The following GAS2 variants were observed in gnomAD, a reference collection of about 807,000 sequenced individuals.
GAS2 encodes growth arrest specific 2.
In GAS2, 20 loss-of-function variants were observed where a neutral mutation model predicts 37.5. The ratio of observed to expected loss-of-function variants is 0.53; its 90% CI spans 0.37 to 0.77. The LOEUF (loss-of-function observed/expected upper bound fraction) is 0.77. Ranked by LOEUF, GAS2 falls within the 30% of genes least tolerant of loss-of-function variation. The probability of loss-of-function intolerance (pLI) is 0.00; values close to 1 mark genes in which losing one functional copy is unlikely to be tolerated. For missense variants in GAS2, 336 were observed against 373.4 expected (o/e 0.90, Z 0.82); for synonymous variants, 144 against 132.2 (o/e 1.09, Z -0.61).
chr11:22,693,636 A>G lies in GAS2; in HGVS notation c.267+7847A>G, dbSNP rs1305512556. Among the ~76,000 whole-genome samples the G allele has an allele frequency of 2.0e-5, 3 of 152,224 alleles. No homozygotes were observed. The East Asian group carries it at 5.8e-4, about 29-fold the overall frequency. ...ATCCATGCAAATTGCACATTCAGGT[A>G]AAACTATAAAAATAACATCTAATGT... On this transcript the variant is annotated intron_variant, in intron 3 of 7. Coordinates refer to ENST00000454584, the MANE Select transcript of GAS2 (RefSeq NM_001143830.3).
At chr11:22,754,243 T>C (rs987441768) in intron 6 of GAS2, among the ~76,000 whole-genome samples, 1 of 152,090 alleles carries the variant, frequency 6.6e-6, no homozygotes, top group Non-Finnish European at 1.5e-5. Flanking sequence ...TATATATCTA[T>C]TTAGTCAATG....
At chr11:22,642,254 A>T (rs1848639335) in intron 1 of GAS2, among the ~76,000 whole-genome samples, 1 of 152,192 alleles carries the variant, frequency 6.6e-6, no homozygotes, top group South Asian at 2.1e-4. Context: ...ACAGTGGCAG[A>T]GGAAATATTA....
chr11:22,680,800 T>C (rs554380990), intron 2 of GAS2, among the ~76,000 whole-genome samples: 1 of 152,248 alleles, frequency 6.6e-6, no homozygotes, highest in East Asian at 1.9e-4. Flanking sequence ...AAATAGTCAT[T>C]TGTGTATTCA....
intron 1 of GAS2, among the ~76,000 whole-genome samples, chr11:22,635,709 T>C (rs1858812334): frequency 6.6e-6 from 1 of 152,228 alleles, no homozygotes; most frequent in Non-Finnish European, 1.5e-5. Flanking sequence ...GGAGCTTCTT[T>C]CAACCTGTGA....
At chr11:22,682,493 T>G (rs1849728240) in intron 2 of GAS2, among the ~76,000 whole-genome samples, 2 of 152,132 alleles carry the variant, frequency 1.3e-5, no homozygotes. Context: ...TTTATCTTCT[T>G]TATCTTAAAA....
At chr11:22,788,876 T>G (rs1211582868) in intron 7 of GAS2, among the ~76,000 whole-genome samples, 1 of 152,108 alleles carries the variant, frequency 6.6e-6, no homozygotes, top group Non-Finnish European at 1.5e-5. Flanking sequence ...TTGTATTTCC[T>G]TCACAAAATA....
chr11:22,811,809 C>G lies in GAS2; in HGVS notation c.735C>G (p.Asn245Lys). 6.2e-7 allele frequency: 1 copy of G among 1,613,980 alleles called. No individual in the cohort carries two copies. The highest frequency in any genetic ancestry group is 8.5e-7 in the Non-Finnish European group (1 of 1,179,896). The change falls in exon 8 of 8, where the codon AAC becomes AAG. Residue 245 changes from asparagine (N) to lysine (K), a missense_variant. Transcript: ENST00000454584. ...TTTTTTCATTTCAGATGCTGCACAA[C>G]AAACATGTCATGGTCCGTGTGGGAG... is the stretch of plus-strand genomic sequence containing the variant. ...EKILFIRMLH[N>K]KHVMVRVGGG...
intron 3 of GAS2, among the ~76,000 whole-genome samples, chr11:22,715,460 CAA>C (rs1192862614): frequency 1.7e-4 from 7 of 41,766 alleles, no homozygotes; most frequent in East Asian, 8.1e-4. Context: ...GACTCTGTCT[CAA>C]AAAAAAAAAA....
intron 7 of GAS2, among the ~76,000 whole-genome samples, chr11:22,802,353 A>T (rs1399797084): frequency 6.6e-6 from 1 of 151,890 alleles, no homozygotes; most frequent in Non-Finnish European, 1.5e-5. Context: ...GATATACCTA[A>T]TGTAAATGGG....
chr11:22,781,777 T>G (rs1855567574), intron 7 of GAS2, among the ~76,000 whole-genome samples: 1 of 152,162 alleles, frequency 6.6e-6, no homozygotes, highest in African/African-American at 2.4e-5. Flanking sequence ...TTTATGATAC[T>G]GTAATGTAAC....
intron 7 of GAS2, among the ~76,000 whole-genome samples, chr11:22,789,422 T>TATATAAATATATATATA (rs1564889813): frequency 2.3e-5 from 1 of 42,836 alleles, no homozygotes; most frequent in African/African-American, 1.2e-4. Flanking sequence ...GTATCTCATA[T>TATATAAATATATATATA]GAGATATATA....
intron 3 of GAS2, among the ~76,000 whole-genome samples, chr11:22,699,761 T>C (rs1031536310): frequency 1.3e-5 from 2 of 152,184 alleles, no homozygotes; most frequent in Admixed American, 6.6e-5. Context: ...TAAGTTAGTA[T>C]ACACAAGCAC....
At chr11:22,720,332 A>T (rs1455080719) in intron 3 of GAS2, among the ~76,000 whole-genome samples, 1 of 152,018 alleles carries the variant, frequency 6.6e-6, no homozygotes, top group African/African-American at 2.4e-5. Context: ...CCTAAATCAT[A>T]GCTCACTGCT....
intron 3 of GAS2, 88 bp from the exon 4 acceptor site, chr11:22,726,204 C>A: frequency 1.5e-6 from 2 of 1,358,522 alleles, no homozygotes; most frequent in Non-Finnish European, 1.0e-6. Context: ...GAGGTAATTC[C>A]GAAGCATTTT....
Position 22,753,420 on chromosome 11 carries a change from A to G in GAS2, c.616-2426A>G, listed in dbSNP as rs562166750. 5.2e-4 allele frequency among the ~76,000 whole-genome samples: 79 copies of G among 152,230 alleles called. No homozygotes were observed. In the South Asian group the frequency reaches 0.016, roughly 32 times the overall value. ...GGCCACTTGAGAAAATGTTTCTTGT[A>G]TTTTATTTCATTTGATACCAAGAGT... On this transcript the variant is annotated intron_variant, in intron 6 of 7. Transcript: ENST00000454584.
rs115702114 is a variant in GAS2 at position 22,721,360 on chromosome 11, C to T, written c.268-4932C>T. Among the ~76,000 whole-genome samples the T allele has an allele frequency of 3.3e-3, 497 of 152,082 alleles. 2 individuals are homozygous for T. The highest frequency in any genetic ancestry group is 0.011 in the African/African-American group (440 of 41,536). ...CTATAAATAGAATTAGTTATGAATG[C>T]GCTTCATGACACCATAACTAGGACA... On this transcript the variant is annotated intron_variant, in intron 3 of 7. Transcript: ENST00000454584.
At chr11:22,809,484 A>C (rs1427583985) in intron 7 of GAS2, among the ~76,000 whole-genome samples, 1 of 151,676 alleles carries the variant, frequency 6.6e-6, no homozygotes, top group African/African-American at 2.4e-5. Flanking sequence ...TTTATTTATT[A>C]TTATTATTAT....
intron 2 of GAS2, among the ~76,000 whole-genome samples, chr11:22,676,520 C>T (rs1849436601): frequency 1.3e-5 from 2 of 152,144 alleles, no homozygotes; most frequent in Non-Finnish European, 2.9e-5. Context: ...GGGCAAATTA[C>T]TTACCTCTCT....
At chr11:22,663,712 G>T (rs188237670), upstream of GAS2, among the ~76,000 whole-genome samples, 1 of 152,090 alleles carries the variant, frequency 6.6e-6, no homozygotes, top group African/African-American at 2.4e-5. Context: ...ATTTATCCTT[G>T]TAGTTTTATA....
Sources: allele counts gnomAD v4.1 joint callset (sites outside exome capture counted in the v4.1 genomes callset), GRCh38; gene constraint gnomAD v4.1.1; transcripts MANE v1.5; gene names NCBI Gene and HGNC (gene_info 2026-07-23, HGNC 2026-07-21).